The following KY variants were observed in gnomAD, a reference collection of about 807,000 sequenced individuals.
KY encodes kyphoscoliosis peptidase.
KY carries 43 observed loss-of-function variants against 76.1 expected under a neutral mutation model. The ratio of observed to expected loss-of-function variants is 0.57; its 90% CI spans 0.44 to 0.73. The LOEUF (loss-of-function observed/expected upper bound fraction) is 0.73. Among genes scored for constraint, KY ranks in the 30% least tolerant of loss-of-function variants. The pLI is 0.00. For synonymous variants in KY, 277 were observed against 326.2 expected (o/e 0.85, Z 1.63); for missense variants, 722 against 828.9 (o/e 0.87, Z 1.58).
intron 8 of KY, among the ~76,000 whole-genome samples, chr3:134,614,869 C>T (rs369881824): frequency 1.1e-4 from 17 of 152,158 alleles, no homozygotes; most frequent in South Asian, 8.3e-4. Flanking sequence ...GGGCTCTGAC[C>T]GCAGTAGACT....
chr3:134,646,977 C>A (rs1045413799), intron 2 of KY, among the ~76,000 whole-genome samples: 1 of 152,156 alleles, frequency 6.6e-6, no homozygotes, highest in Non-Finnish European at 1.5e-5. Context: ...AAGCTGACTT[C>A]TTATTGTATT....
intron 3 of KY, among the ~76,000 whole-genome samples, chr3:134,637,047 C>T (rs1965075919): frequency 6.6e-6 from 1 of 152,148 alleles, no homozygotes; most frequent in African/African-American, 2.4e-5. Context: ...TAAACTTGTT[C>T]TGCATGCCAA....
At chr3:134,610,518 T>C in intron 8 of KY, 135 bp from the exon 9 acceptor site, 1 of 742,556 alleles carries the variant, frequency 1.3e-6, no homozygotes, top group Non-Finnish European at 2.2e-6. Flanking sequence ...CTTCTTGTAC[T>C]CACATATAAA....
intron 3 of KY, among the ~76,000 whole-genome samples, chr3:134,636,422 A>G (rs1190379677): frequency 6.6e-6 from 1 of 152,244 alleles, no homozygotes; most frequent in Non-Finnish European, 1.5e-5. Flanking sequence ...GATGTTGCAC[A>G]AATTCTGAGC....
rs759568197 is a variant in KY, at chr3:134,604,358, C to T, written c.1207G>A (p.Glu403Lys). ...GTGCCCATGGTTGGAGGGTACACCT[C>T]CAACTTCATCCCATTCTTCCTTAGG... ...LSLRKNGMKL[E>K]VYPPTMGTHK... Residue 403 changes from glutamate to lysine, a missense_variant, in exon 11 of 11, where the codon GAG (glutamate) becomes AAG (lysine). By Grantham distance (56) the Glu-to-Lys change is moderately conservative. Coordinates refer to ENST00000423778, the MANE Select transcript of KY (RefSeq NM_178554.6). 4.0e-5 allele frequency: 64 copies of T among 1,613,926 alleles called. No homozygotes were observed. Among genetic ancestry groups the T allele is most frequent in the Non-Finnish European group, 5.4e-5 (64 of 1,179,910 alleles).
chr3:134,650,356 A>C (rs529231988), intron 1 of KY, among the ~76,000 whole-genome samples: 1 of 152,284 alleles, frequency 6.6e-6, no homozygotes, highest in East Asian at 1.9e-4. Flanking sequence ...TGAGGCTGTA[A>C]ATTGTGCAAG....
At chr3:134,629,598 A>T in intron 4 of KY, 23 bp downstream of exon 4, 1 of 1,575,808 alleles carries the variant, frequency 6.3e-7, no homozygotes, top group South Asian at 1.2e-5. Context: ...GCCCTCCACC[A>T]TGAGTACCTG....
intron 8 of KY, chr3:134,615,457 T>C (rs1961372222): frequency 6.6e-6 from 1 of 151,724 alleles, no homozygotes; most frequent in African/African-American, 2.4e-5. Flanking sequence ...ATTTTTTTTC[T>C]TTTTTCTTTT....
At chr3:134,638,147 T>C (rs532727326) in intron 3 of KY, among the ~76,000 whole-genome samples, 3 of 152,288 alleles carry the variant, frequency 2.0e-5, no homozygotes, top group African/African-American at 7.2e-5. Flanking sequence ...AGGGCACCAC[T>C]GGGAGGCTTT....
At chr3:134,620,243 A>G (rs540927437) in intron 7 of KY, among the ~76,000 whole-genome samples, 3 of 152,296 alleles carry the variant, frequency 2.0e-5, no homozygotes, top group South Asian at 4.1e-4. Context: ...AGGTGGCTCC[A>G]AGAACCTTGG....
chr3:134,633,555 C>T (rs550815730), intron 3 of KY, among the ~76,000 whole-genome samples: 6 of 152,106 alleles, frequency 3.9e-5, no homozygotes, highest in African/African-American at 1.2e-4. Flanking sequence ...ATTTAACATC[C>T]GTTCATGATA....
intron 1 of KY, among the ~76,000 whole-genome samples, chr3:134,649,074 G>C (rs1463681122): frequency 6.6e-6 from 1 of 152,168 alleles, no homozygotes; most frequent in Non-Finnish European, 1.5e-5. Flanking sequence ...TGCCCACCAG[G>C]CATCAAAAGC....
intron 3 of KY, among the ~76,000 whole-genome samples, chr3:134,638,724 C>T (rs1001337294): frequency 1.3e-5 from 2 of 152,256 alleles, no homozygotes; most frequent in Non-Finnish European, 2.9e-5. Context: ...GCCTTTCACC[C>T]AGTCAGGTTT....
intron 10 of KY, among the ~76,000 whole-genome samples, chr3:134,605,212 G>A (rs573038463): frequency 2.0e-3 from 306 of 152,192 alleles, no homozygotes; most frequent in African/African-American, 7.2e-3. Flanking sequence ...TCCAGTCTTT[G>A]TAGCCCATGA....
Position 134,647,479 on chromosome 3 carries a change from T to C in KY, c.155A>G (p.Asn52Ser), listed in dbSNP as rs761814624. 6 of 1,611,710 alleles carry C rather than the reference T, an allele frequency of 3.7e-6. No individual in the cohort carries two copies. In the Admixed American group the frequency reaches 1.0e-4, roughly 27 times the overall value. ...QRGGGFQGVG[N>S]GVRRWQKLEG... ...TAATTTCTGCCATCTTCGGACTCCATTTCCAACACCTTGGAATCCTGCAAA... is the reference window on the plus strand; with the variant it reads ...TAATTTCTGCCATCTTCGGACTCCACTTCCAACACCTTGGAATCCTGCAAA... The change falls in exon 2 of 11, where the codon AAT becomes AGT. Residue 52 changes from asparagine (N) to serine (S), a missense_variant. Around this residue, in one of 2 missense-constraint regions of KY, gnomAD observed 170 missense variants for 148.1 expected, o/e 1.15. Transcript: ENST00000423778.
intron 6 of KY, among the ~76,000 whole-genome samples, chr3:134,621,146 C>T (rs779062706): frequency 2.0e-5 from 3 of 152,132 alleles, no homozygotes; most frequent in African/African-American, 2.4e-5. Context: ...AGCCCCTGGT[C>T]GTGGTCAATA....
chr3:134,628,756 CT>C (rs1221735882), intron 4 of KY, among the ~76,000 whole-genome samples: 1 of 152,140 alleles, frequency 6.6e-6, no homozygotes, highest in Admixed American at 6.5e-5. Flanking sequence ...TATTTTCCTT[CT>C]TTTATAGTTG....
intron 3 of KY, among the ~76,000 whole-genome samples, chr3:134,630,526 A>G (rs1964074189): frequency 6.6e-6 from 1 of 152,220 alleles, no homozygotes; most frequent in South Asian, 2.1e-4. Context: ...TGGGTCATGA[A>G]GAGGAGGGAG....
intron 3 of KY, among the ~76,000 whole-genome samples, chr3:134,642,471 C>G (rs1328796177): frequency 1.3e-5 from 2 of 152,204 alleles, no homozygotes; most frequent in African/African-American, 4.8e-5. Context: ...AACCTGGCCT[C>G]CTGTCACCAT....
Sources: gnomAD v4.1 joint callset for allele counts (sites outside exome capture counted in the v4.1 genomes callset) on GRCh38, gnomAD v4.1.1 for gene constraint, gnomAD v4.1.1 regional missense constraint, MANE v1.5 for transcripts, NCBI Gene and HGNC (gene_info 2026-07-23, HGNC 2026-07-21) for gene names.